The following ZNF713 variants were observed in gnomAD, a reference collection of about 807,000 sequenced individuals.
The protein encoded by ZNF713 is zinc finger protein 713.
A neutral mutation model predicts 28.7 loss-of-function variants in ZNF713; 21 were observed. The observed-to-expected ratio is 0.73, with a 90% confidence interval of 0.52 to 1.05. The LOEUF is 1.05. Ranked by LOEUF, ZNF713 falls within the 50% of genes least tolerant of loss-of-function variation. The probability of loss-of-function intolerance (pLI) is 0.00; values close to 1 mark genes in which losing one functional copy is unlikely to be tolerated. For synonymous variants in ZNF713, 167 were observed against 178.0 expected (o/e 0.94, Z 0.49); for missense variants, 458 against 532.4 (o/e 0.86, Z 1.37).
Position 55,923,100 on chromosome 7 carries a change from C to G in ZNF713, c.88-62C>G. 4 of 1,529,868 alleles carry G rather than the reference C, an allele frequency of 2.6e-6. No homozygotes were observed. The South Asian group carries it at 4.0e-5, about 15-fold the overall frequency. The allele number at this position is 1,529,868 out of a possible 1,614,324, so 94.8% of individuals were successfully genotyped here. ...TAACCTGGTGCTACACTTTCATTCC[C>G]TCCCTTGAGGGTCCCTGTAAGAACC... is the stretch of plus-strand genomic sequence containing the variant. On this transcript the variant is annotated intron_variant, in intron 4 of 6. Coordinates refer to ENST00000429591, the MANE Select transcript of ZNF713 (RefSeq NM_182633.3).
At chr7:55,911,015 T>C (rs1785773561) in intron 2 of ZNF713, among the ~76,000 whole-genome samples, 1 of 152,218 alleles carries the variant, frequency 6.6e-6, no homozygotes, top group African/African-American at 2.4e-5. Context: ...GAAGAACCTA[T>C]TTCTTAAAGT....
At chr7:55,926,846 G>T (rs1050942675) in intron 6 of ZNF713, among the ~76,000 whole-genome samples, 1 of 152,174 alleles carries the variant, frequency 6.6e-6, no homozygotes, top group Admixed American at 6.5e-5. Context: ...CAGCTAGACT[G>T]AGGGCCGGGC....
intron 6 of ZNF713, among the ~76,000 whole-genome samples, chr7:55,934,192 T>C (rs958725339): frequency 2.0e-5 from 3 of 152,152 alleles, no homozygotes; most frequent in Admixed American, 6.6e-5. Context: ...AAACTTTTTT[T>C]GAATCTTGGA....
At chr7:55,888,777 C>T (rs983159609) in intron 1 of ZNF713, among the ~76,000 whole-genome samples, 1 of 150,440 alleles carries the variant, frequency 6.6e-6, no homozygotes, top group Admixed American at 6.6e-5. Flanking sequence ...ATGTTTAGGC[C>T]GGTTGCGGTC....
At chr7:55,888,775 GCCGGTTGCGGT>G (rs1785327368) in intron 1 of ZNF713, among the ~76,000 whole-genome samples, 1 of 145,628 alleles carries the variant, frequency 6.9e-6, no homozygotes, top group Admixed American at 6.9e-5. Context: ...AAATGTTTAG[GCCGGTTGCGGT>G]CCTGTAATCG....
Position 55,940,361 on chromosome 7 carries a change from T to A in ZNF713, c.*355T>A, listed in dbSNP as rs1471755639. 2 of 790,294 alleles carry A rather than the reference T, an allele frequency of 2.5e-6. No individual in the cohort carries two copies. Among genetic ancestry groups the A allele is most frequent in the Non-Finnish European group, 3.1e-6 (2 of 647,860 alleles). 49.0% of individuals were successfully genotyped at this position (790,294 alleles called of 1,614,324 possible). A position where few individuals can be genotyped will look rare whatever the true frequency, so the allele number is the denominator to read the frequency against. ...CTGGTCTCGAACTCCTAACCTCAGG[T>A]GATCCGCCCACCTCGGCCTCCCAAA... On this transcript the variant is annotated 3_prime_UTR_variant, in exon 7 of 7. Transcript: ENST00000429591.
In ZNF713 at chr7:55,912,721, C is replaced by A. The variant is rs1260901569; in HGVS notation, c.85C>A (p.Gln29Lys). Residue 29 changes from glutamine (Q) to lysine (K), a missense_variant and splice_region_variant, in exon 4 of 7, where the codon CAG (glutamine) becomes AAG (lysine). Gln to Lys is a moderately conservative substitution (Grantham distance 53). Transcript: ENST00000429591. ...MNDGSQMVRS[Q>K]ESLTFQDVAV... is the part of the protein sequence containing the mutation. ...TGATGGCTCACAGATGGTGAGATCT[C>A]AGGTAAGTTCAGTTTTCCTCTCCTC... 1.2e-6 allele frequency: 2 copies of A among 1,612,112 alleles called. No individual in the cohort carries two copies. The highest frequency in any genetic ancestry group is 8.5e-7 in the Non-Finnish European group (1 of 1,178,772).
chr7:55,933,098 G>C (rs143605025), intron 6 of ZNF713, among the ~76,000 whole-genome samples: 1 of 151,008 alleles, frequency 6.6e-6, no homozygotes, highest in East Asian at 2.0e-4. Context: ...TTAGCTGGGC[G>C]TGGTGGCAGG....
intron 1 of ZNF713, among the ~76,000 whole-genome samples, chr7:55,888,003 G>C (rs1303879173): frequency 6.6e-6 from 1 of 151,706 alleles, no homozygotes; most frequent in Non-Finnish European, 1.5e-5. Context: ...TTTATAGGAA[G>C]GTCTTACCCG....
chr7:55,935,138 C>G (rs1786320010), intron 6 of ZNF713, among the ~76,000 whole-genome samples: 2 of 152,052 alleles, frequency 1.3e-5, no homozygotes, highest in African/African-American at 4.8e-5. Context: ...ATCCGCCCAC[C>G]TTGACCTCCC....
Position 55,939,528 on chromosome 7 carries a change from C to T in ZNF713, c.854C>T (p.Pro285Leu). Residue 285 changes from proline (P) to leucine (L), a missense_variant, in exon 7 of 7, where the codon CCC (proline) becomes CTC (leucine). Pro to Leu is a moderately conservative substitution (Grantham distance 98). Transcript: ENST00000429591. ...CAGATGTTGCTTACAGGAGAGAAGC[C>T]CTATAAGTGTGATGAATGTGGAAAA... ...QPQMLLTGEKPYKCDECGKRF... is the reference protein window; with the variant it reads ...QPQMLLTGEKLYKCDECGKRF... 6.2e-7 allele frequency: 1 copy of T among 1,613,748 alleles called. No individual in the cohort carries two copies. The highest frequency in any genetic ancestry group is 8.5e-7 in the Non-Finnish European group (1 of 1,179,922).
intron 1 of ZNF713, among the ~76,000 whole-genome samples, chr7:55,898,507 CCTT>C (rs1407371774): frequency 1.3e-5 from 2 of 152,158 alleles, no homozygotes; most frequent in African/African-American, 4.8e-5. Flanking sequence ...GAAGCAAGGA[CCTT>C]CTTCATATGG....
At chr7:55,928,419 C>T (rs927682735) in intron 6 of ZNF713, among the ~76,000 whole-genome samples, 6 of 152,056 alleles carry the variant, frequency 3.9e-5, no homozygotes, top group East Asian at 3.9e-4. Flanking sequence ...TGAGGCCTGA[C>T]GAGGACTTAA....
chr7:55,903,594 G>T (rs571633043), intron 1 of ZNF713, among the ~76,000 whole-genome samples: 51 of 151,250 alleles, frequency 3.4e-4, no homozygotes, highest in South Asian at 1.0e-3. Context: ...TTGAACCTAG[G>T]AGGCAGAGAT....
chr7:55,895,451 C>CTTTTT (rs55972416), intron 1 of ZNF713, among the ~76,000 whole-genome samples: 8 of 82,394 alleles, frequency 9.7e-5, no homozygotes, highest in African/African-American at 1.5e-4. Context: ...CTGTTATACT[C>CTTTTT]TTTTTTTTTT....
At chr7:55,887,818 GGGCGGCGGGCGGCGGGCGGCGGGCGGC>G (rs1785291383) in intron 1 of ZNF713, 138 bp downstream of exon 1, 1 of 6,164 alleles carries the variant, frequency 1.6e-4, no homozygotes, top group Admixed American at 1.6e-3. Flanking sequence ...GGCGGGCGGC[GGGCGGCGGGCGGCGGGCGGCGGGCGGC>G]GGCGGCGGCG....
intron 6 of ZNF713, 174 bp downstream of exon 6, chr7:55,923,873 T>C (rs1384254839): frequency 1.4e-5 from 7 of 503,548 alleles, no homozygotes; most frequent in African/African-American, 1.2e-4. Context: ...TCTTATTTTT[T>C]CTCATTGAAC....
chr7:55,927,066 TG>T (rs1311926167), intron 6 of ZNF713, among the ~76,000 whole-genome samples: 1 of 152,038 alleles, frequency 6.6e-6, no homozygotes, highest in Non-Finnish European at 1.5e-5. Context: ...CACTTGAACC[TG>T]GGAGGTAGAG....
chr7:55,921,277 T>C (rs909425652), intron 4 of ZNF713, among the ~76,000 whole-genome samples: 16 of 152,304 alleles, frequency 1.1e-4, no homozygotes, highest in African/African-American at 3.8e-4. Context: ...AGAAGACTAA[T>C]GCTGTTTTCG....
Sources: gnomAD v4.1 joint callset for allele counts (sites outside exome capture counted in the v4.1 genomes callset) on GRCh38, gnomAD v4.1.1 for gene constraint, MANE v1.5 for transcripts, NCBI Gene and HGNC (gene_info 2026-07-23, HGNC 2026-07-21) for gene names.